PLGRKT: variants seen among roughly 807,000 people sequenced by gnomAD.
The protein encoded by PLGRKT is plasminogen receptor (KT).
A neutral mutation model predicts 18.5 loss-of-function variants in PLGRKT; 22 were observed. The observed-to-expected ratio is 1.19, with a 90% CI of 0.85 to 1.70. PLGRKT has a LOEUF of 1.70. Ranked by LOEUF, PLGRKT falls within the 40% of genes most tolerant of loss-of-function variation. The pLI is 0.00. For synonymous variants in PLGRKT, 72 were observed against 52.8 expected (o/e 1.36, Z -1.58); for missense variants, 235 against 174.4 (o/e 1.35, Z -1.96).
intron 3 of PLGRKT, among the ~76,000 whole-genome samples, chr9:5,378,585 G>T (rs1817677288): frequency 6.6e-6 from 1 of 152,212 alleles, no homozygotes; most frequent in Non-Finnish European, 1.5e-5. Context: ...ACTGCAAGGG[G>T]TTGGGATGCA....
At chr9:5,396,047 A>C (rs3918531) in intron 3 of PLGRKT, among the ~76,000 whole-genome samples, 55,819 of 150,460 alleles carry the variant, frequency 0.37, 12,377 homozygotes, top group African/African-American at 0.6. Flanking sequence ...GTGCCCGCCA[A>C]CATGCCCGGC....
chr9:5,385,388 T>C (rs1443659686), intron 3 of PLGRKT, among the ~76,000 whole-genome samples: 2 of 151,150 alleles, frequency 1.3e-5, no homozygotes, highest in East Asian at 1.9e-4. Context: ...AGTAGAGACA[T>C]GGTTTCACTG....
intron 3 of PLGRKT, among the ~76,000 whole-genome samples, chr9:5,414,844 G>A (rs1187062356): frequency 6.6e-6 from 1 of 152,180 alleles, no homozygotes; most frequent in African/African-American, 2.4e-5. Flanking sequence ...TGAAGAAAGG[G>A]GAAGAGCTAG....
chr9:5,410,118 T>C (rs941930138), intron 3 of PLGRKT, among the ~76,000 whole-genome samples: 1 of 152,246 alleles, frequency 6.6e-6, no homozygotes, highest in Admixed American at 6.5e-5. Context: ...GCCTTAATTG[T>C]ACCTATTCAT....
At chr9:5,373,156 G>C (rs144507224) in intron 3 of PLGRKT, among the ~76,000 whole-genome samples, 156 of 152,302 alleles carry the variant, frequency 1.0e-3, no homozygotes, top group African/African-American at 3.7e-3. Context: ...CTGGGGTATA[G>C]ACTGACCCAA....
At chr9:5,372,714 T>G (rs1010948646) in intron 3 of PLGRKT, among the ~76,000 whole-genome samples, 3 of 152,168 alleles carry the variant, frequency 2.0e-5, no homozygotes, top group Admixed American at 6.5e-5. Context: ...CTCCCAAGTC[T>G]CCTTCAGGGG....
At chr9:5,407,892 CTGTG>C (rs769535194) in intron 3 of PLGRKT, among the ~76,000 whole-genome samples, 1 of 152,042 alleles carries the variant, frequency 6.6e-6, no homozygotes, top group Admixed American at 6.6e-5. Flanking sequence ...GTGTGTGTGT[CTGTG>C]TGTGTATGAC....
intron 3 of PLGRKT, among the ~76,000 whole-genome samples, chr9:5,401,410 T>C (rs1014708493): frequency 6.6e-6 from 1 of 151,936 alleles, no homozygotes; most frequent in African/African-American, 2.4e-5. Flanking sequence ...GAGGTAAATA[T>C]ACAATAGAAC....
At chr9:5,361,730 T>C in intron 4 of PLGRKT, 28 bp downstream of exon 4, 1 of 1,584,580 alleles carries the variant, frequency 6.3e-7, no homozygotes, top group Non-Finnish European at 8.6e-7. Context: ...AGTAAATGAC[T>C]GAAGAAAATG....
chr9:5,415,630 A>G (rs192801380), intron 3 of PLGRKT, among the ~76,000 whole-genome samples: 2 of 152,334 alleles, frequency 1.3e-5, no homozygotes, highest in African/African-American at 2.4e-5. Flanking sequence ...ACCACTAGCA[A>G]TAAGACATAT....
At position 5,361,152 on chromosome 9, in the gene PLGRKT, G is replaced by A; in HGVS notation, c.248C>T (p.Pro83Leu). ...IKKKKPAFLV[P>L]IVPLSFILTY... ...GAGGATAAAGCTTAATGGAACAATCGGGACCAGGAAGGCTGGCTTCTTTTT... is the reference window on the plus strand; with the variant it reads ...GAGGATAAAGCTTAATGGAACAATCAGGACCAGGAAGGCTGGCTTCTTTTT... Residue 83 changes from proline (P) to leucine (L), a missense_variant, in exon 5 of 6, where the codon CCG becomes CTG. Pro to Leu is a moderately conservative substitution (Grantham distance 98). Transcript: ENST00000223864. The A allele has an allele frequency of 6.2e-6, 10 of 1,610,464 alleles. No homozygotes were observed. The highest frequency in any genetic ancestry group is 2.2e-5 in the South Asian group (2 of 90,660).
At chr9:5,393,622 G>C (rs1256910870) in intron 3 of PLGRKT, among the ~76,000 whole-genome samples, 1 of 151,548 alleles carries the variant, frequency 6.6e-6, no homozygotes, top group Admixed American at 6.6e-5. Context: ...TTAACCATTG[G>C]TAAGAAAATG....
At chr9:5,432,488 T>G (rs1818847150) in intron 2 of PLGRKT, among the ~76,000 whole-genome samples, 2 of 152,056 alleles carry the variant, frequency 1.3e-5, no homozygotes, top group South Asian at 2.1e-4. Context: ...GATTGAGCTC[T>G]CCCTCTCCCT....
intron 3 of PLGRKT, among the ~76,000 whole-genome samples, chr9:5,431,531 CAAAAAAA>C (rs1191361436): frequency 5.2e-5 from 4 of 77,058 alleles, no homozygotes; most frequent in African/African-American, 1.4e-4. Context: ...GAGACTCTCT[CAAAAAAA>C]AAAAAAAAAA....
Position 5,364,817 on chromosome 9 carries a change from T to C in PLGRKT, c.82-2929A>G, listed in dbSNP as rs569561096. Among the ~76,000 whole-genome samples the C allele has an allele frequency of 6.6e-5, 10 of 152,254 alleles. No individual in the cohort carries two copies. The South Asian group carries it at 1.9e-3, about 28-fold the overall frequency. On this transcript the variant is annotated intron_variant, in intron 3 of 5. Transcript: ENST00000223864. ...AAGATGGTGGAAGCCAGGTTTCTTA[T>C]TATTAAACAGGGAGATTACAAACAA...
At chr9:5,432,429 C>T (rs1217473458) in intron 2 of PLGRKT, among the ~76,000 whole-genome samples, 5 of 152,320 alleles carry the variant, frequency 3.3e-5, no homozygotes, top group East Asian at 1.9e-4. Flanking sequence ...ATGCCTTGTG[C>T]GTCTTAAGAA....
chr9:5,402,949 G>A (rs1269093673), intron 3 of PLGRKT, among the ~76,000 whole-genome samples: 1 of 151,810 alleles, frequency 6.6e-6, no homozygotes, highest in Non-Finnish European at 1.5e-5. Flanking sequence ...AAATGAGCAA[G>A]GGGCATTAAA....
At chr9:5,400,093 A>G (rs1292173456) in intron 3 of PLGRKT, among the ~76,000 whole-genome samples, 1 of 151,968 alleles carries the variant, frequency 6.6e-6, no homozygotes, top group Non-Finnish European at 1.5e-5. Flanking sequence ...AAAATTCACC[A>G]AAATTTGTGG....
intron 5 of PLGRKT, among the ~76,000 whole-genome samples, chr9:5,360,553 T>C (rs1405711964): frequency 6.6e-6 from 1 of 152,364 alleles, no homozygotes; most frequent in African/African-American, 2.4e-5. Flanking sequence ...AGCCTTGATT[T>C]GGCAACAACA....
Sources: allele counts gnomAD v4.1 joint callset (sites outside exome capture counted in the v4.1 genomes callset), GRCh38; gene constraint gnomAD v4.1.1; transcripts MANE v1.5; gene names NCBI Gene and HGNC (gene_info 2026-07-23, HGNC 2026-07-21).